The following EVC2 variants were observed in gnomAD, a reference collection of about 807,000 sequenced individuals.
EVC2 encodes the protein limbin.
In EVC2, 148 loss-of-function variants were observed where a neutral mutation model predicts 149.3. That is an observed-to-expected ratio of 0.99 (90% CI 0.87 to 1.14). The LOEUF (loss-of-function observed/expected upper bound fraction) is 1.14, where lower values mean the gene tolerates loss of function less well. Ranked by LOEUF, EVC2 falls within the 50% of genes most tolerant of loss-of-function variation. The probability of loss-of-function intolerance (pLI) is 0.00; values close to 1 mark genes in which losing one functional copy is unlikely to be tolerated. For synonymous variants in EVC2, 776 were observed against 649.9 expected, an observed-to-expected ratio of 1.19 and a Z score of -2.95; for missense variants, 1,854 against 1,627.3, an observed-to-expected ratio of 1.14 and a Z score of -2.40.
At chr4:5,611,453 A>T (rs1182012748) in intron 16 of EVC2, among the ~76,000 whole-genome samples, 2 of 152,174 alleles carry the variant, frequency 1.3e-5, no homozygotes, top group African/African-American at 4.8e-5. Flanking sequence ...TTATACAAAG[A>T]GCCCTCTTTT....
intron 19 of EVC2, 150 bp from the exon 20 acceptor site, chr4:5,568,790 G>T: frequency 9.3e-7 from 1 of 1,076,562 alleles, no homozygotes; most frequent in Non-Finnish European, 1.4e-6. Flanking sequence ...AACTTTCAGA[G>T]CTGTCAAAAA....
rs576450724 is a variant in EVC2, at chr4:5,590,808, G to A, written c.2830-5958C>T. Among the ~76,000 whole-genome samples the A allele has an allele frequency of 4.5e-4, 69 of 152,274 alleles. 1 individual carries two copies. Among genetic ancestry groups the A allele is most frequent in the African/African-American group, 1.6e-3 (68 of 41,560 alleles). Reference sequence around the variant, plus strand: ...CTGCTATAAAGAACTGCCTAAGAGTGAGTAATTTATAAAGAAAAGAAATTT... The same window carrying A: ...CTGCTATAAAGAACTGCCTAAGAGTAAGTAATTTATAAAGAAAAGAAATTT... On this transcript the variant is annotated intron_variant, in intron 16 of 21. Coordinates refer to ENST00000344408, the MANE Select transcript of EVC2 (RefSeq NM_147127.5).
At chr4:5,621,866 T>C (rs1430281356) in intron 14 of EVC2, among the ~76,000 whole-genome samples, 1 of 152,156 alleles carries the variant, frequency 6.6e-6, no homozygotes, top group Admixed American at 6.6e-5. Flanking sequence ...ATATTAAAAA[T>C]AAACATATCC....
At position 5,686,744 on chromosome 4, in the gene EVC2, T is replaced by G. The variant is rs1178217206; in HGVS notation, c.707-1265A>C. Among the ~76,000 whole-genome samples, 2 of 152,016 alleles carry G rather than the reference T, an allele frequency of 1.3e-5. No homozygotes were observed. On this transcript the variant is annotated intron_variant, in intron 5 of 21. Transcript: ENST00000344408. This position sits in a 1 kb window ranked among gnomAD's most constrained non-coding sequence, Gnocchi z 5.4. ...GTCAGAATGTCAATGAACTGGGACC[T>G]GACTGGTCATTTGATTTTATAGTTA...
In EVC2 at chr4:5,615,559, G is replaced by A; in HGVS notation, c.2707-15C>T. On this transcript the variant is annotated splice_polypyrimidine_tract_variant and intron_variant, in intron 15 of 21. Transcript: ENST00000344408. Reference sequence around the variant, plus strand: ...TTGGACTGTTGCTGGAGAGGGGTTGGGGAAGACGTGGGTAAGAAGGCAATC... The same window carrying A: ...TTGGACTGTTGCTGGAGAGGGGTTGAGGAAGACGTGGGTAAGAAGGCAATC... 1.9e-6 allele frequency: 3 copies of A among 1,614,114 alleles called. No homozygotes were observed. The highest frequency in any genetic ancestry group is 3.3e-5 in the Admixed American group (2 of 60,022).
chr4:5,706,832 C>G lies in EVC2; in HGVS notation c.228+1454G>C, dbSNP rs145217084. Among the ~76,000 whole-genome samples the G allele has an allele frequency of 2.6e-5, 4 of 152,240 alleles. 1 individual carries two copies. The South Asian group carries it at 8.3e-4, about 32-fold the overall frequency. On this transcript the variant is annotated intron_variant, in intron 1 of 21. Coordinates refer to ENST00000344408, the MANE Select transcript of EVC2 (RefSeq NM_147127.5). ...GACGTGCTCAAGATGCCAAGGGCAC[C>G]TGAATACAGGTGCTCATTCCCAGAT... is the stretch of plus-strand genomic sequence containing the variant.
intron 21 of EVC2, among the ~76,000 whole-genome samples, chr4:5,564,008 T>C (rs1163733232): frequency 1.3e-5 from 2 of 152,162 alleles, no homozygotes; most frequent in African/African-American, 4.8e-5. Context: ...AAGAGCCCTA[T>C]ACATCCTGAA....
At position 5,670,331 on chromosome 4, in the gene EVC2, T is replaced by C. The variant is rs562822315; in HGVS notation, c.871-4682A>G. ...AGCAGCATCACCATCAAATTCATCA[T>C]CACCATCACCACAATGACTGTCACC... On this transcript the variant is annotated intron_variant, in intron 7 of 21. Transcript: ENST00000344408. This position sits in a 1 kb window ranked among gnomAD's most constrained non-coding sequence, Gnocchi z 5.2. Among the ~76,000 whole-genome samples, 1 of 152,070 alleles carries C rather than the reference T, an allele frequency of 6.6e-6. No individual in the cohort carries two copies. Among genetic ancestry groups the C allele is most frequent in the Non-Finnish European group, 1.5e-5 (1 of 68,006 alleles).
intron 17 of EVC2, among the ~76,000 whole-genome samples, chr4:5,580,183 G>A (rs756096939): frequency 2.0e-5 from 3 of 152,204 alleles, no homozygotes; most frequent in Non-Finnish European, 2.9e-5. Context: ...ATTCCCAATA[G>A]GAAAGTGGTT....
At chr4:5,550,829 ACTTGG>A (rs1476193919) in intron 21 of EVC2, among the ~76,000 whole-genome samples, 1 of 152,192 alleles carries the variant, frequency 6.6e-6, no homozygotes, top group Non-Finnish European at 1.5e-5. Flanking sequence ...CAGCCTAGGG[ACTTGG>A]TGCCCTGCAT....
At chr4:5,685,532 C>G (rs1381158076) in intron 5 of EVC2, 53 bp from the exon 6 acceptor site, 1 of 1,495,522 alleles carries the variant, frequency 6.7e-7, no homozygotes, top group African/African-American at 1.4e-5. Flanking sequence ...ACGCCCCCGG[C>G]TGCACCCCAC....
In EVC2 at chr4:5,708,325, A is replaced by C. The variant is rs1722349034; in HGVS notation, c.189T>G (p.Pro63=). The part of the protein sequence containing the change: ...APRSGPGLRI[P]PGRSGAGPES... ...CGGGCCCCGCCCCGCTCCGCCCCGG[A>C]GGGATCCTCAGGCCGGGCCCAGACC... Residue 63 remains proline (P), a synonymous_variant, in exon 1 of 22, where the codon CCT becomes CCG. Transcript: ENST00000344408. 1.4e-6 allele frequency: 2 copies of C among 1,466,964 alleles called. No individual in the cohort carries two copies. Among genetic ancestry groups the C allele is most frequent in the African/African-American group, 1.5e-5 (1 of 67,604 alleles). 90.9% of individuals were successfully genotyped at this position (1,466,964 alleles called of 1,614,324 possible). A position where few individuals can be genotyped will look rare whatever the true frequency, so the allele number is the denominator to read the frequency against.
chr4:5,691,840 C>T (rs994037174), intron 3 of EVC2, among the ~76,000 whole-genome samples: 3 of 152,182 alleles, frequency 2.0e-5, no homozygotes, highest in African/African-American at 4.8e-5. Flanking sequence ...ATGGCTCCTA[C>T]GAAAAGGTTC....
At chr4:5,585,333 G>C (rs1712179628) in intron 16 of EVC2, among the ~76,000 whole-genome samples, 1 of 152,152 alleles carries the variant, frequency 6.6e-6, no homozygotes, top group Non-Finnish European at 1.5e-5. Context: ...TCTGTGGTTT[G>C]TGCTCTTTGC....
chr4:5,689,463 C>T (rs906557415), intron 4 of EVC2, 120 bp from the exon 5 acceptor site: 3 of 992,008 alleles, frequency 3.0e-6, no homozygotes, highest in South Asian at 2.7e-5. Flanking sequence ...AGCACGGTCT[C>T]GCAGAGGGCC....
intron 1 of EVC2, among the ~76,000 whole-genome samples, chr4:5,705,175 T>C (rs1174386676): frequency 6.6e-6 from 1 of 152,208 alleles, no homozygotes; most frequent in African/African-American, 2.4e-5. Flanking sequence ...CCTAAATTAC[T>C]GTTGTGTGGT....
Position 5,615,514 on chromosome 4 carries a change from TGGA to T in EVC2, c.2734_2736del (p.Ser912del). 6.2e-7 allele frequency: 1 copy of T among 1,614,224 alleles called. No individual in the cohort carries two copies. The highest frequency in any genetic ancestry group is 8.5e-7 in the Non-Finnish European group (1 of 1,180,036). On this transcript the variant is annotated inframe_deletion, in exon 16 of 22. Coordinates refer to ENST00000344408, the MANE Select transcript of EVC2 (RefSeq NM_147127.5). ...AGAAGCTCTCCCTTGCTTTTACTCTTGGACCGTGACTTTCTCACCTTGGACTGT... is the reference window on the plus strand; with the variant it reads ...AGAAGCTCTCCCTTGCTTTTACTCTTCCGTGACTTTCTCACCTTGGACTGT...
chr4:5,591,122 T>G (rs988948933), intron 16 of EVC2, among the ~76,000 whole-genome samples: 14 of 152,182 alleles, frequency 9.2e-5, no homozygotes, highest in African/African-American at 3.4e-4. Flanking sequence ...TGAAGGGGCA[T>G]GAAGCTCAAT....
intron 16 of EVC2, among the ~76,000 whole-genome samples, chr4:5,610,927 G>T (rs1417427094): frequency 1.3e-5 from 2 of 151,710 alleles, no homozygotes; most frequent in African/African-American, 2.4e-5. Flanking sequence ...GCTTTGAGTT[G>T]CAAGAGTCAC....
Sources: gnomAD v4.1 joint callset for allele counts (sites outside exome capture counted in the v4.1 genomes callset) on GRCh38, gnomAD v4.1.1 for gene constraint, Gnocchi (gnomAD v3.1) non-coding constraint, MANE v1.5 for transcripts, NCBI Gene and HGNC (gene_info 2026-07-23, HGNC 2026-07-21) for gene names.